The following LAMA3 variants were observed in gnomAD, a reference collection of about 807,000 sequenced individuals.
The protein encoded by LAMA3 is laminin subunit alpha-3.
In LAMA3, 281 loss-of-function variants were observed where a neutral mutation model predicts 402.0. The observed-to-expected ratio is 0.70, with a 90% CI of 0.63 to 0.77. LAMA3 has a LOEUF of 0.77. LAMA3 is among the 30% of genes least tolerant of loss of function. The pLI is 0.00. For synonymous variants in LAMA3, 1,431 were observed against 1,558.4 expected (o/e 0.92, Z 1.93); for missense variants, 3,840 against 4,215.5 (o/e 0.91, Z 2.47).
At chr18:23,888,663 C>T (rs1196171968) in intron 41 of LAMA3, among the ~76,000 whole-genome samples, 1 of 152,180 alleles carries the variant, frequency 6.6e-6, no homozygotes, top group African/African-American at 2.4e-5. Context: ...ATTATATCAA[C>T]AGTGTATCCA....
Position 23,820,006 on chromosome 18 carries a change from C to T in LAMA3, c.2304+9C>T. ...AAATGACCTCAGTACAGGTACGCAA[C>T]CCGAAGAGAGCAGCTTCATGGCTGA... is the stretch of plus-strand genomic sequence containing the variant. On this transcript the variant is annotated intron_variant, in intron 19 of 74. Coordinates refer to ENST00000313654, the MANE Select transcript of LAMA3 (RefSeq NM_198129.4). 6.2e-7 allele frequency: 1 copy of T among 1,613,946 alleles called. No individual in the cohort carries two copies. Among genetic ancestry groups the T allele is most frequent in the Non-Finnish European group, 8.5e-7 (1 of 1,179,896 alleles).
At chr18:23,736,554 A>G (rs77997469) in intron 2 of LAMA3, among the ~76,000 whole-genome samples, 4,386 of 152,126 alleles carry the variant, frequency 0.029, 113 homozygotes, top group African/African-American at 0.075. Context: ...ATTTTTTCCA[A>G]TAAAACTGTT....
chr18:23,921,061 C>A lies in LAMA3; in HGVS notation c.8043+7C>A, dbSNP rs751933596. 6.2e-7 allele frequency: 1 copy of A among 1,613,778 alleles called. No homozygotes were observed. Among genetic ancestry groups the A allele is most frequent in the Admixed American group, 1.7e-5 (1 of 60,020 alleles). ...CAACGGCAGAGACCATTCGGTACAC[C>A]TTTTGAGTCTGTTTACTTGAATCGT... On this transcript the variant is annotated splice_region_variant and intron_variant, in intron 61 of 74. Transcript: ENST00000313654.
chr18:23,947,818 T>C (rs1397034719), intron 70 of LAMA3, among the ~76,000 whole-genome samples: 3 of 149,272 alleles, frequency 2.0e-5, no homozygotes, highest in Non-Finnish European at 4.5e-5. Flanking sequence ...TTTTCTTTTT[T>C]TTTTTTTTTT....
At chr18:23,868,966 T>C (rs1163014626) in intron 37 of LAMA3, among the ~76,000 whole-genome samples, 1 of 152,194 alleles carries the variant, frequency 6.6e-6, no homozygotes, top group African/African-American at 2.4e-5. Context: ...GGTACATCTA[T>C]ACAATGGAAT....
Position 23,775,832 on chromosome 18 carries a change from G to A in LAMA3, c.1314G>A (p.Gln438=), listed in dbSNP as rs771275300. ...CDPEHADGCE[Q]GSGRCHCKPN... is the part of the protein sequence containing the mutation. ...CTGAGCATGCGGATGGCTGTGAACA[G>A]GGTTCAGGCCGCTGTCACTGCAAGC... Residue 438 remains glutamine (Q), a synonymous_variant, in exon 10 of 75, where the codon CAG becomes CAA. Coordinates refer to ENST00000313654, the MANE Select transcript of LAMA3 (RefSeq NM_198129.4). The A allele has an allele frequency of 1.4e-5, 22 of 1,613,904 alleles. No homozygotes were observed. The highest frequency in any genetic ancestry group is 1.8e-5 in the Non-Finnish European group (21 of 1,179,892).
chr18:23,833,735 T>C (rs1257110791), intron 23 of LAMA3, 93 bp from the exon 24 acceptor site: 1 of 1,374,620 alleles, frequency 7.3e-7, no homozygotes, highest in Non-Finnish European at 1.0e-6. Flanking sequence ...TTCCAGGGTG[T>C]CTTCTGGGCT....
rs1244369953 is a variant in LAMA3 at position 23,931,175 on chromosome 18, T to C, written c.8550T>C (p.Tyr2850=). 1.9e-6 allele frequency: 3 copies of C among 1,613,040 alleles called. No individual in the cohort carries two copies. Among genetic ancestry groups the C allele is most frequent in the East Asian group, 2.2e-5 (1 of 44,896 alleles). The change falls in exon 65 of 75, where the codon TAT becomes TAC. Residue 2850 remains tyrosine (Y), a synonymous_variant. Coordinates refer to ENST00000313654, the MANE Select transcript of LAMA3 (RefSeq NM_198129.4). Reference sequence around the variant, plus strand: ...CGTATATGGATGGTTTACTGCATTATGTATCTGTAATAAGCGACAACTCTG... The same window carrying C: ...CGTATATGGATGGTTTACTGCATTACGTATCTGTAATAAGCGACAACTCTG... ...PQTYMDGLLH[Y]VSVISDNSGL... is the part of the protein sequence containing the mutation.
At chr18:23,803,013 C>T (rs935845557) in intron 12 of LAMA3, among the ~76,000 whole-genome samples, 1 of 152,158 alleles carries the variant, frequency 6.6e-6, no homozygotes, top group African/African-American at 2.4e-5. Flanking sequence ...ATTCCATGAC[C>T]ATGGGCTCAC....
At chr18:23,776,091 T>A (rs2062312231) in intron 10 of LAMA3, among the ~76,000 whole-genome samples, 168 bp downstream of exon 10, 1 of 152,214 alleles carries the variant, frequency 6.6e-6, no homozygotes, top group Non-Finnish European at 1.5e-5. Flanking sequence ...ATAAATTTTA[T>A]ATTGGTACAT....
chr18:23,767,829 T>A (rs928714692), intron 8 of LAMA3, among the ~76,000 whole-genome samples: 4 of 152,088 alleles, frequency 2.6e-5, no homozygotes, highest in Non-Finnish European at 5.9e-5. Flanking sequence ...CGCTTCAGCC[T>A]CCCGAAGTGC....
chr18:23,893,912 G>A (rs2080781087), intron 42 of LAMA3, among the ~76,000 whole-genome samples: 1 of 152,208 alleles, frequency 6.6e-6, no homozygotes, highest in Non-Finnish European at 1.5e-5. Context: ...AAGCCCTAAT[G>A]CGAATGATCG....
At chr18:23,824,596 G>A (rs767091514) in intron 21 of LAMA3, 31 bp downstream of exon 21, 3 of 1,612,272 alleles carry the variant, frequency 1.9e-6, no homozygotes, top group Non-Finnish European at 2.5e-6. Context: ...GAGAGCTCCT[G>A]CGGGATTCTT....
chr18:23,725,266 C>T (rs763506652), intron 2 of LAMA3, among the ~76,000 whole-genome samples: 3 of 152,146 alleles, frequency 2.0e-5, no homozygotes, highest in Non-Finnish European at 4.4e-5. Flanking sequence ...TGGGCCACCA[C>T]GCCCAGCTAA....
Position 23,846,358 on chromosome 18 carries a change from A to G in LAMA3, c.3781A>G (p.Lys1261Glu), listed in dbSNP as rs1035585948. 6 of 1,614,074 alleles carry G rather than the reference A, an allele frequency of 3.7e-6. No homozygotes were observed. The highest frequency in any genetic ancestry group is 1.3e-5 in the African/African-American group (1 of 74,938). ...CAGGTCCCTGGTGGCCTTTTACCAC[A>G]AGGGCGCCCTGCCTTGTGAGTGCCA... The part of the protein sequence containing the change: ...SARSLVAFYH[K>E]GALPCECHPT... Residue 1261 changes from lysine to glutamate, a missense_variant, in exon 31 of 75, where the codon AAG becomes GAG. Physicochemically the swap from Lys to Glu is moderately conservative, Grantham distance 56 (BLOSUM62 1). Transcript: ENST00000313654.
chr18:23,741,217 C>T (rs1289086605), intron 2 of LAMA3, among the ~76,000 whole-genome samples: 2 of 152,002 alleles, frequency 1.3e-5, no homozygotes, highest in Non-Finnish European at 2.9e-5. Flanking sequence ...CCTTGGCCTC[C>T]CAGAGCCAAG....
intron 7 of LAMA3, among the ~76,000 whole-genome samples, chr18:23,762,585 AC>A (rs2061991271): frequency 6.7e-6 from 1 of 150,094 alleles, no homozygotes; most frequent in Non-Finnish European, 1.5e-5. Flanking sequence ...CGAGACTGTC[AC>A]CAAAAAAAAA....
chr18:23,883,874 A>G (rs1461111282), intron 40 of LAMA3, among the ~76,000 whole-genome samples: 1 of 150,210 alleles, frequency 6.7e-6, no homozygotes, highest in Admixed American at 6.6e-5. Context: ...GTAAAACTCT[A>G]TTTGTATCTA....
chr18:23,877,668 T>C (rs2144876038), intron 39 of LAMA3, among the ~76,000 whole-genome samples: 1 of 152,330 alleles, frequency 6.6e-6, no homozygotes, highest in Admixed American at 6.5e-5. Context: ...AGCCAACTGA[T>C]AGAATATTTT....
Sources: gnomAD v4.1 joint callset for allele counts (sites outside exome capture counted in the v4.1 genomes callset) on GRCh38, gnomAD v4.1.1 for gene constraint, MANE v1.5 for transcripts, NCBI Gene and HGNC (gene_info 2026-07-23, HGNC 2026-07-21) for gene names.